GLIS3: variants seen among roughly 807,000 people sequenced by gnomAD.
GLIS3 encodes GLIS family zinc finger 3.
In GLIS3, 53 loss-of-function variants were observed where a neutral mutation model predicts 78.6. That is an observed-to-expected ratio of 0.67 (90% confidence interval 0.54 to 0.85). The LOEUF (loss-of-function observed/expected upper bound fraction) is 0.85. GLIS3 is among the 40% of genes least tolerant of loss of function. The pLI, the probability that GLIS3 is intolerant of heterozygous loss-of-function variation, is 0.00. For synonymous variants in GLIS3, 684 were observed against 509.9 expected (o/e 1.34, Z -4.60); for missense variants, 1,703 against 1,231.1 (o/e 1.38, Z -5.74).
intron 2 of GLIS3, among the ~76,000 whole-genome samples, chr9:4,275,083 T>C (rs1193808363): frequency 1.3e-5 from 2 of 152,194 alleles, no homozygotes; most frequent in African/African-American, 4.8e-5. Context: ...TCTATTCACA[T>C]TCATAGTATC....
chr9:4,095,717 C>A (rs1044755489), intron 4 of GLIS3, among the ~76,000 whole-genome samples: 22 of 152,150 alleles, frequency 1.4e-4, no homozygotes, highest in African/African-American at 4.8e-4. Context: ...TGTACTACAG[C>A]TAAACTGAGC....
chr9:4,208,520 T>C (rs1356135077), intron 2 of GLIS3, among the ~76,000 whole-genome samples: 2 of 152,206 alleles, frequency 1.3e-5, no homozygotes, highest in African/African-American at 2.4e-5. Context: ...TGCTCTCTTC[T>C]GCCATTGCTG....
At position 3,906,602 on chromosome 9, in the gene GLIS3, A is replaced by G. The variant is rs184786530; in HGVS notation, c.1984-7767T>C. On this transcript the variant is annotated intron_variant, in intron 6 of 10. Coordinates refer to ENST00000381971, the MANE Select transcript of GLIS3 (RefSeq NM_001042413.2). ...GCGGAGAGAACCTGCAGGTACCTGC[A>G]CACAGAGGGTGGGTTCACAGAGCAC... Among the ~76,000 whole-genome samples the G allele has an allele frequency of 3.2e-4, 49 of 152,278 alleles. No individual in the cohort carries two copies. In the East Asian group the frequency reaches 9.3e-3, roughly 29 times the overall value.
chr9:4,090,199 G>C (rs1034890600), intron 4 of GLIS3, among the ~76,000 whole-genome samples: 6 of 152,076 alleles, frequency 3.9e-5, no homozygotes, highest in Non-Finnish European at 7.4e-5. Flanking sequence ...TTCTACACAG[G>C]CCCACTGTCC....
intron 8 of GLIS3, among the ~76,000 whole-genome samples, chr9:3,857,975 T>A (rs1318147040): frequency 6.6e-6 from 1 of 152,106 alleles, no homozygotes; most frequent in East Asian, 1.9e-4. Flanking sequence ...GGAATCCAGG[T>A]TAACACCTAA....
At chr9:3,860,728 T>A (rs1223702529) in intron 8 of GLIS3, among the ~76,000 whole-genome samples, 1 of 152,184 alleles carries the variant, frequency 6.6e-6, no homozygotes, top group Non-Finnish European at 1.5e-5. Context: ...TTTCCCAGGA[T>A]CAATTTCAAG....
intron 4 of GLIS3, among the ~76,000 whole-genome samples, chr9:4,034,337 T>C (rs1166180279): frequency 3.3e-5 from 5 of 152,142 alleles, no homozygotes; most frequent in African/African-American, 4.8e-5. Flanking sequence ...AAAAGCAGGA[T>C]TCCATAACCT....
the GLIS3 span, among the ~76,000 whole-genome samples, chr9:4,388,809 A>C: frequency 6.6e-6 from 1 of 152,250 alleles, no homozygotes; most frequent in Non-Finnish European, 1.5e-5. Context: ...AAGCAGGAAA[A>C]GTATTTGAAT....
At chr9:4,446,620 C>T in the GLIS3 span, among the ~76,000 whole-genome samples, 39 of 150,906 alleles carry the variant, frequency 2.6e-4, no homozygotes, top group Middle Eastern at 3.5e-3. Context: ...AGTGATTCTC[C>T]TGCCTCAGCC....
intron 2 of GLIS3, among the ~76,000 whole-genome samples, chr9:4,207,136 A>C (rs1819952220): frequency 6.6e-6 from 1 of 152,208 alleles, no homozygotes; most frequent in East Asian, 1.9e-4. Flanking sequence ...TATGTGGAGA[A>C]TAATCCATAA....
chr9:4,161,393 C>A (rs751832927), intron 2 of GLIS3, among the ~76,000 whole-genome samples: 1 of 152,046 alleles, frequency 6.6e-6, no homozygotes, highest in Non-Finnish European at 1.5e-5. Context: ...TGATCATGGA[C>A]AATAAGAATA....
the GLIS3 span, among the ~76,000 whole-genome samples, chr9:4,358,880 G>C: frequency 2.1e-4 from 32 of 152,134 alleles, no homozygotes; most frequent in Admixed American, 6.5e-5. Flanking sequence ...AAGTCAGTGT[G>C]GGCTACCACT....
intron 4 of GLIS3, among the ~76,000 whole-genome samples, chr9:3,967,717 T>C (rs1433030413): frequency 6.6e-6 from 1 of 152,124 alleles, no homozygotes; most frequent in Non-Finnish European, 1.5e-5. Flanking sequence ...ATCCATATTA[T>C]GATGCTAAGA....
intron 2 of GLIS3, among the ~76,000 whole-genome samples, chr9:4,237,485 T>A (rs1822875096): frequency 6.6e-6 from 1 of 152,232 alleles, no homozygotes; most frequent in Non-Finnish European, 1.5e-5. Flanking sequence ...AAATCGCTAC[T>A]TCAGGCTCAG....
At chr9:4,111,799 G>T (rs546895468) in intron 4 of GLIS3, among the ~76,000 whole-genome samples, 73 of 152,302 alleles carry the variant, frequency 4.8e-4, no homozygotes, top group African/African-American at 1.6e-3. Flanking sequence ...CCGATGCCTT[G>T]TGGGATATGA....
chr9:4,072,350 C>T (rs886412889), intron 4 of GLIS3, among the ~76,000 whole-genome samples: 2 of 152,212 alleles, frequency 1.3e-5, no homozygotes, highest in South Asian at 2.1e-4. Context: ...AAGATTCAAA[C>T]TATTAAGCCC....
chr9:4,409,340 G>C, the GLIS3 span, among the ~76,000 whole-genome samples: 1 of 152,260 alleles, frequency 6.6e-6, no homozygotes, highest in East Asian at 1.9e-4. Context: ...ATGTGAGTGA[G>C]GGAAATGGGA....
intron 4 of GLIS3, among the ~76,000 whole-genome samples, chr9:4,077,779 C>T (rs1828206236): frequency 6.6e-6 from 1 of 152,178 alleles, no homozygotes. Flanking sequence ...TTCATCTTGG[C>T]AGCAGCAGTG....
chr9:4,084,644 T>G (rs1828866052), intron 4 of GLIS3, among the ~76,000 whole-genome samples: 1 of 152,148 alleles, frequency 6.6e-6, no homozygotes, highest in Non-Finnish European at 1.5e-5. Flanking sequence ...AGAGTGTTCT[T>G]TGTTACCACA....
Sources: allele counts gnomAD v4.1 joint callset (sites outside exome capture counted in the v4.1 genomes callset), GRCh38; gene constraint gnomAD v4.1.1; transcripts MANE v1.5; gene names NCBI Gene and HGNC (gene_info 2026-07-23, HGNC 2026-07-21).